Variants in ZNF618 observed in about 807,000 individuals in gnomAD.
The protein encoded by ZNF618 is zinc finger protein 618, also known as neural precursor cell expressed, developmentally down-regulated 10.
ZNF618 carries 34 observed loss-of-function variants against 103.0 expected under a neutral mutation model. The observed-to-expected ratio is 0.33, with a 90% CI of 0.25 to 0.44. ZNF618 has a LOEUF of 0.44. Among genes scored for constraint, ZNF618 ranks in the 20% least tolerant of loss-of-function variants. ZNF618 has a pLI of 1.00. For synonymous variants in ZNF618, 551 were observed against 542.2 expected (o/e 1.02, Z -0.23); for missense variants, 1,059 against 1,295.4 (o/e 0.82, Z 2.80).
intron 2 of ZNF618, among the ~76,000 whole-genome samples, chr9:113,981,754 C>G (rs576616358): frequency 6.6e-6 from 1 of 152,358 alleles, no homozygotes; most frequent in South Asian, 2.1e-4. Flanking sequence ...GAACAGGAGC[C>G]AAAAAGTTTT....
intron 1 of ZNF618, among the ~76,000 whole-genome samples, chr9:113,923,219 A>G (rs1186612433): frequency 6.6e-6 from 1 of 152,168 alleles, no homozygotes; most frequent in East Asian, 1.9e-4. Context: ...GGACAATCAT[A>G]TTATCTGTGA....
chr9:114,003,714 TTC>T (rs1474875300), intron 6 of ZNF618, among the ~76,000 whole-genome samples: 1 of 152,130 alleles, frequency 6.6e-6, no homozygotes, highest in Non-Finnish European at 1.5e-5. Flanking sequence ...GGCTTCAGGG[TTC>T]TGTTTCTTGA....
chr9:114,039,083 CCAG>C (rs1434805846), intron 13 of ZNF618, among the ~76,000 whole-genome samples: 3 of 152,128 alleles, frequency 2.0e-5, no homozygotes, highest in Non-Finnish European at 4.4e-5. Context: ...AGATAGGATT[CCAG>C]TTCTCGCAGT....
intron 1 of ZNF618, among the ~76,000 whole-genome samples, chr9:113,963,296 C>T (rs1483133685): frequency 6.6e-6 from 1 of 152,014 alleles, no homozygotes; most frequent in Non-Finnish European, 1.5e-5. Flanking sequence ...ACCAGCTGGT[C>T]GTTTAAAACA....
rs1181352294 is a variant in ZNF618, at chr9:113,951,563, A to ATG, written c.34-17544_34-17543dup. 5.5e-5 allele frequency among the ~76,000 whole-genome samples: 2 copies of ATG among 36,208 alleles called. 1 individual carries two copies. Among genetic ancestry groups the ATG allele is most frequent in the African/African-American group, 1.4e-4 (2 of 14,304 alleles). 23.8% of individuals were successfully genotyped at this position (36,208 alleles called of 152,430 possible). A position where few individuals can be genotyped will look rare whatever the true frequency, so the allele number is the denominator to read the frequency against. On this transcript the variant is annotated intron_variant, in intron 1 of 14. Coordinates refer to ENST00000374126, the MANE Select transcript of ZNF618 (RefSeq NM_001318042.2). ...CATATGTACACATATGTGTGTGTAT[A>ATG]TGTGTGTGTGTATATGTGTGTGTGT...
chr9:113,892,369 G>A (rs533580299), intron 1 of ZNF618, among the ~76,000 whole-genome samples: 1 of 152,256 alleles, frequency 6.6e-6, no homozygotes, highest in South Asian at 2.1e-4. Context: ...AATATGACAA[G>A]GAAAAAGTCT....
Position 114,002,619 on chromosome 9 carries a change from T to TC in ZNF618, c.512-5_512-4insC. The TC allele has an allele frequency of 2.5e-6, 4 of 1,610,366 alleles. No individual in the cohort carries two copies. The highest frequency in any genetic ancestry group is 3.4e-6 in the Non-Finnish European group (4 of 1,179,592). ...ACCCCCATCCCTCTCTCTCTCTCTT[T>TC]GCAGACACCGAAGCCACCTCAGGGG... On this transcript the variant is annotated splice_polypyrimidine_tract_variant and splice_region_variant and intron_variant, in intron 5 of 14. Transcript: ENST00000374126.
At chr9:113,917,864 A>G (rs1832269269) in intron 1 of ZNF618, among the ~76,000 whole-genome samples, 1 of 152,212 alleles carries the variant, frequency 6.6e-6, no homozygotes, top group South Asian at 2.1e-4. Flanking sequence ...TTCTATGCCC[A>G]TAGTATAATG....
At chr9:113,978,312 G>T (rs1482784597) in intron 2 of ZNF618, among the ~76,000 whole-genome samples, 4 of 152,220 alleles carry the variant, frequency 2.6e-5, no homozygotes, top group Non-Finnish European at 5.9e-5. Flanking sequence ...TAGTGATGAA[G>T]CTATGACCTT....
intron 1 of ZNF618, among the ~76,000 whole-genome samples, chr9:113,947,898 T>C (rs1835193215): frequency 1.3e-5 from 2 of 152,202 alleles, no homozygotes; most frequent in South Asian, 4.1e-4. Context: ...GACTTTGAAG[T>C]CCTTTTAAGT....
At chr9:114,008,216 C>T in intron 7 of ZNF618, 128 bp from the exon 8 acceptor site, 1 of 1,348,628 alleles carries the variant, frequency 7.4e-7, no homozygotes, top group East Asian at 2.5e-5. Flanking sequence ...GGCAGCCCTC[C>T]TGGGCCCCAA....
chr9:113,961,813 A>G (rs915077123), intron 1 of ZNF618, among the ~76,000 whole-genome samples: 1 of 152,208 alleles, frequency 6.6e-6, no homozygotes, highest in Non-Finnish European at 1.5e-5. Context: ...TTTTAGGGAC[A>G]CCTGGTGAAT....
At chr9:113,965,410 C>A (rs1258292629) in intron 1 of ZNF618, among the ~76,000 whole-genome samples, 1 of 151,934 alleles carries the variant, frequency 6.6e-6, no homozygotes, top group Non-Finnish European at 1.5e-5. Context: ...TCGAATGAAA[C>A]CAAAAATAGC....
chr9:113,921,785 T>C (rs778675888), intron 1 of ZNF618, among the ~76,000 whole-genome samples: 5 of 152,212 alleles, frequency 3.3e-5, no homozygotes, highest in Non-Finnish European at 7.3e-5. Flanking sequence ...ATAAAATATT[T>C]TTATGACAAA....
In ZNF618 at chr9:113,908,314, C is replaced by T. The variant is rs1444487320; in HGVS notation, c.33+31901C>T. ...ATAAATGCAATCTCACACAGGTGCTCAGGATGTTAAATACATAGATAAAAG... is the reference window on the plus strand; with the variant it reads ...ATAAATGCAATCTCACACAGGTGCTTAGGATGTTAAATACATAGATAAAAG... On this transcript the variant is annotated intron_variant, in intron 1 of 14. Transcript: ENST00000374126. Among the ~76,000 whole-genome samples the T allele has an allele frequency of 3.9e-5, 6 of 152,108 alleles. 1 individual carries two copies. In the South Asian group the frequency reaches 1.0e-3, roughly 26 times the overall value.
At chr9:113,881,512 A>G (rs1258124934) in intron 1 of ZNF618, among the ~76,000 whole-genome samples, 2 of 152,234 alleles carry the variant, frequency 1.3e-5, no homozygotes, top group African/African-American at 2.4e-5. Context: ...TATTAATGTG[A>G]CAAGTTACAG....
chr9:114,029,514 ATT>A (rs1843814423), intron 11 of ZNF618, among the ~76,000 whole-genome samples: 1 of 151,930 alleles, frequency 6.6e-6, no homozygotes, highest in African/African-American at 2.4e-5. Flanking sequence ...GGCAGGTGTC[ATT>A]TCTCATTGTG....
intron 1 of ZNF618, 134 bp downstream of exon 1, chr9:113,876,547 C>A: frequency 1.4e-6 from 1 of 696,672 alleles, no homozygotes; most frequent in Non-Finnish European, 1.8e-6. Flanking sequence ...TTTGTGGGCG[C>A]AATCGGGAGG....
intron 1 of ZNF618, among the ~76,000 whole-genome samples, chr9:113,935,089 C>T (rs1466182562): frequency 6.6e-6 from 1 of 152,192 alleles, no homozygotes; most frequent in African/African-American, 2.4e-5. Flanking sequence ...TGAGAGGGAC[C>T]TCAGTGGCCT....
Sources: allele counts gnomAD v4.1 joint callset (sites outside exome capture counted in the v4.1 genomes callset), GRCh38; gene constraint gnomAD v4.1.1; transcripts MANE v1.5; gene names NCBI Gene and HGNC (gene_info 2026-07-23, HGNC 2026-07-21).